The following SLC35D1 variants were observed in gnomAD, a reference collection of about 807,000 sequenced individuals.
The protein encoded by SLC35D1 is nucleotide sugar transporter SLC35D1.
Under a neutral mutation model 46.7 loss-of-function variants are expected in SLC35D1, and 31 were observed. The observed-to-expected ratio is 0.66, with a 90% confidence interval of 0.50 to 0.90. The LOEUF (loss-of-function observed/expected upper bound fraction) is 0.90, where lower values mean the gene tolerates loss of function less well. Ranked by LOEUF, SLC35D1 falls within the 40% of genes least tolerant of loss-of-function variation. SLC35D1 has a pLI of 0.00. For synonymous variants in SLC35D1, 195 were observed against 164.6 expected (o/e 1.18, Z -1.41); for missense variants, 397 against 426.2 (o/e 0.93, Z 0.60).
chr1:66,988,171 T>C, the SLC35D1 span: 2 of 152,308 alleles, frequency 1.3e-5, no homozygotes, highest in Non-Finnish European at 1.5e-5. Context: ...ATAATCCATA[T>C]TCATGAAAAA....
In SLC35D1 at chr1:67,021,710, CAGACACAG is replaced by C. The variant is rs1558155349; in HGVS notation, c.730-116_730-109del. On this transcript the variant is annotated intron_variant, in intron 8 of 11. Coordinates refer to ENST00000235345, the MANE Select transcript of SLC35D1 (RefSeq NM_015139.3). ...TCTGCCTCCAACACAGACACAGACA[CAGACACAG>C]ACACAGACACACACACACACACACA... 1,256 of 392,720 alleles carry C rather than the reference CAGACACAG, an allele frequency of 3.2e-3. 31 individuals carry two copies. Among genetic ancestry groups the C allele is most frequent in the Middle Eastern group, 7.6e-3 (14 of 1,852 alleles). 24.3% of individuals were successfully genotyped at this position (392,720 alleles called of 1,614,324 possible). A position where few individuals can be genotyped will look rare whatever the true frequency, so the allele number is the denominator to read the frequency against.
At chr1:66,995,271 G>A (rs571717485), downstream of SLC35D1, among the ~76,000 whole-genome samples, 1 of 151,734 alleles carries the variant, frequency 6.6e-6, no homozygotes, top group Non-Finnish European at 1.5e-5. Context: ...CCTTTGAGCA[G>A]GTATGTACCC....
At chr1:67,019,395 C>T (rs1406379919) in intron 10 of SLC35D1, among the ~76,000 whole-genome samples, 1 of 152,210 alleles carries the variant, frequency 6.6e-6, no homozygotes, top group African/African-American at 2.4e-5. Flanking sequence ...AAGGAATTCA[C>T]ACAAATTGAC....
intron 8 of SLC35D1, among the ~76,000 whole-genome samples, chr1:67,039,018 A>G (rs1298234875): frequency 1.3e-5 from 2 of 152,242 alleles, no homozygotes. Flanking sequence ...AGGCTGTATC[A>G]ACCCCATCAA....
At chr1:67,042,447 A>C in intron 7 of SLC35D1, 119 bp from the exon 8 acceptor site, 1 of 850,382 alleles carries the variant, frequency 1.2e-6, no homozygotes, top group Non-Finnish European at 2.0e-6. Flanking sequence ...CCCCTACAAC[A>C]TACACAGCAA....
Position 67,001,412 on chromosome 1 carries a change from G to T in SLC35D1, c.*2928C>A, listed in dbSNP as rs541833391. On this transcript the variant is annotated 3_prime_UTR_variant, in exon 12 of 12. Transcript: ENST00000235345. The stretch of plus-strand genomic sequence containing the variant: ...AATTAAAACTCAACGGGACATGCTG[G>T]CAATGTGTAGCCTGGCCAACTAGGG... 1 of 152,350 alleles carries T rather than the reference G, an allele frequency of 6.6e-6. No homozygotes were observed. Among genetic ancestry groups the T allele is most frequent in the Non-Finnish European group, 1.5e-5 (1 of 68,058 alleles). The allele number at this position is 152,350 out of a possible 1,614,324, so 9.4% of individuals were successfully genotyped here.
In SLC35D1 at chr1:67,054,099, G is replaced by C. The variant is rs1222974653; in HGVS notation, c.-86C>G. On this transcript the variant is annotated 5_prime_UTR_variant, in exon 1 of 12. Coordinates refer to ENST00000235345, the MANE Select transcript of SLC35D1 (RefSeq NM_015139.3). The stretch of plus-strand genomic sequence containing the variant: ...AGCTCCCAGGGGACTCCAGGAGTTG[G>C]GGACCGCAGACTAGGCCAGCTGCGC... The C allele has an allele frequency of 7.1e-7, 1 of 1,409,956 alleles. No individual in the cohort carries two copies. The highest frequency in any genetic ancestry group is 2.5e-4 in the Middle Eastern group (1 of 4,076). The allele number at this position is 1,409,956 out of a possible 1,614,324, so 87.3% of individuals were successfully genotyped here.
At chr1:66,985,003 A>C in the SLC35D1 span, 1 of 1,429,982 alleles carries the variant, frequency 7.0e-7, no homozygotes, top group Non-Finnish European at 9.2e-7. Flanking sequence ...AAGCAGTTTG[A>C]AAATTTGAAT....
chr1:67,029,360 T>C (rs1450076457), intron 8 of SLC35D1, among the ~76,000 whole-genome samples: 3 of 152,216 alleles, frequency 2.0e-5, no homozygotes, highest in Non-Finnish European at 4.4e-5. Flanking sequence ...AACTGTTTAC[T>C]GGATGAATGG....
At position 66,999,579 on chromosome 1, in the gene SLC35D1, T is replaced by C. The variant is rs1667287876; in HGVS notation, c.*4761A>G. 6.6e-6 allele frequency: 1 copy of C among 152,094 alleles called. No individual in the cohort carries two copies. Among genetic ancestry groups the C allele is most frequent in the Non-Finnish European group, 1.5e-5 (1 of 68,000 alleles). The allele number at this position is 152,094 out of a possible 1,614,324, so 9.4% of individuals were successfully genotyped here. ...GACAAAAATCAGTTGATCATCAGCATGAGAAAGAAAACATTTGTGAAAAAA... is the reference window on the plus strand; with the variant it reads ...GACAAAAATCAGTTGATCATCAGCACGAGAAAGAAAACATTTGTGAAAAAA... On this transcript the variant is annotated 3_prime_UTR_variant, in exon 12 of 12. Coordinates refer to ENST00000235345, the MANE Select transcript of SLC35D1 (RefSeq NM_015139.3).
At chr1:66,986,575 AC>A in the SLC35D1 span, 1 of 933,310 alleles carries the variant, frequency 1.1e-6, no homozygotes, top group South Asian at 1.4e-5. Context: ...ATGAAGTATT[AC>A]TGTTAACATA....
At chr1:66,981,891 G>A in the SLC35D1 span, 1 of 1,613,960 alleles carries the variant, frequency 6.2e-7, no homozygotes, top group Non-Finnish European at 8.5e-7. Context: ...GAAAGAAGAT[G>A]GCACTGTAAG....
At position 67,047,289 on chromosome 1, in the gene SLC35D1, G is replaced by A. The variant is rs752308674; in HGVS notation, c.612C>T (p.Tyr204=). Residue 204 remains tyrosine, a synonymous_variant, in exon 7 of 12, where the codon TAC becomes TAT. Transcript: ENST00000235345. ...CTTTTGAATCTAATTTTTGTTTTAC[G>A]TATGCACCATTTGCTGCTGTTAGGA... ...NDVLTAANGA[Y]VKQKLDSKEL... The A allele has an allele frequency of 1.7e-5, 27 of 1,612,924 alleles. No homozygotes were observed. Among genetic ancestry groups the A allele is most frequent in the Middle Eastern group, 3.3e-4 (2 of 6,078 alleles).
At chr1:66,983,565 T>G in the SLC35D1 span, among the ~76,000 whole-genome samples, 1 of 152,360 alleles carries the variant, frequency 6.6e-6, no homozygotes, top group East Asian at 1.9e-4. Context: ...ATTTTGCTTT[T>G]ACTTTTCTCA....
At position 67,052,938 on chromosome 1, in the gene SLC35D1, GTGAGGA is replaced by G; in HGVS notation, c.237+12_237+17del. 1 of 1,614,036 alleles carries G rather than the reference GTGAGGA, an allele frequency of 6.2e-7. No individual in the cohort carries two copies. Among genetic ancestry groups the G allele is most frequent in the Non-Finnish European group, 8.5e-7 (1 of 1,179,992 alleles). Reference sequence around the variant, plus strand: ...TTCTAACAACATAAACCACGTAATGGTGAGGATTCCAACTAACCTGGCCAAGTCCAA... The same window carrying G: ...TTCTAACAACATAAACCACGTAATGGTTCCAACTAACCTGGCCAAGTCCAA... On this transcript the variant is annotated intron_variant, in intron 2 of 11. Transcript: ENST00000235345.
chr1:67,044,155 G>A (rs1570640886), intron 7 of SLC35D1, among the ~76,000 whole-genome samples: 1 of 152,036 alleles, frequency 6.6e-6, no homozygotes, highest in Non-Finnish European at 1.5e-5. Context: ...GGCCAACATA[G>A]AGTAACCCCG....
intron 8 of SLC35D1, among the ~76,000 whole-genome samples, chr1:67,031,103 T>C (rs1668008705): frequency 6.6e-6 from 1 of 152,202 alleles, no homozygotes; most frequent in Non-Finnish European, 1.5e-5. Context: ...GGGGACATAA[T>C]AATGATATCT....
rs939774938 is a variant in SLC35D1, at chr1:67,001,469, C to G, written c.*2871G>C. 6.6e-6 allele frequency: 1 copy of G among 152,320 alleles called. No individual in the cohort carries two copies. The highest frequency in any genetic ancestry group is 2.4e-5 in the African/African-American group (1 of 41,448). The allele number at this position is 152,320 out of a possible 1,614,324, so 9.4% of individuals were successfully genotyped here. A position where few individuals can be genotyped will look rare whatever the true frequency, so the allele number is the denominator to read the frequency against. On this transcript the variant is annotated 3_prime_UTR_variant, in exon 12 of 12. Coordinates refer to ENST00000235345, the MANE Select transcript of SLC35D1 (RefSeq NM_015139.3). ...CAATCCATTTAGCCTTGACTAGAAG[C>G]AGATTGGCCAAAGAGGGTCTCACTT...
rs1348306026 is a variant in SLC35D1 at position 67,003,111 on chromosome 1, GA to G, written c.*1228del. On this transcript the variant is annotated 3_prime_UTR_variant, in exon 12 of 12. Coordinates refer to ENST00000235345, the MANE Select transcript of SLC35D1 (RefSeq NM_015139.3). ...TTTGCTCATTGCTCATGCCATTTAAGAAGGAAGATGATAGCTCTAACACTGA... is the reference window on the plus strand; with the variant it reads ...TTTGCTCATTGCTCATGCCATTTAAGAGGAAGATGATAGCTCTAACACTGA... 1 of 152,388 alleles carries G rather than the reference GA, an allele frequency of 6.6e-6. No individual in the cohort carries two copies. Among genetic ancestry groups the G allele is most frequent in the Non-Finnish European group, 1.5e-5 (1 of 68,072 alleles). 9.4% of individuals were successfully genotyped at this position (152,388 alleles called of 1,614,324 possible).
Sources: allele counts gnomAD v4.1 joint callset (sites outside exome capture counted in the v4.1 genomes callset), GRCh38; gene constraint gnomAD v4.1.1; transcripts MANE v1.5; gene names NCBI Gene and HGNC (gene_info 2026-07-23, HGNC 2026-07-21).